Variants in SRR observed in about 807,000 individuals in gnomAD.
The protein encoded by SRR is D-serine ammonia-lyase.
A neutral mutation model predicts 32.7 loss-of-function variants in SRR; 19 were observed. The ratio of observed to expected loss-of-function variants is 0.58; its 90% CI spans 0.40 to 0.85. SRR has a LOEUF of 0.85. SRR is among the 40% of genes least tolerant of loss of function. SRR has a pLI of 0.00. For missense variants in SRR, 373 were observed against 404.7 expected, an observed-to-expected ratio of 0.92 and a Z score of 0.67; for synonymous variants, 142 against 140.9, an observed-to-expected ratio of 1.01 and a Z score of -0.06.
chr17:2,305,842 C>T (rs1213382448), intron 1 of SRR, among the ~76,000 whole-genome samples: 7 of 151,834 alleles, frequency 4.6e-5, no homozygotes, highest in Non-Finnish European at 8.8e-5. Flanking sequence ...GTATTACAGG[C>T]GCCCACCACC....
At position 2,318,908 on chromosome 17, in the gene SRR, A is replaced by G. The variant is rs1395301981; in HGVS notation, c.378A>G (p.Val126=). 6.2e-7 allele frequency: 1 copy of G among 1,613,440 alleles called. No homozygotes were observed. Among genetic ancestry groups the G allele is most frequent in the African/African-American group, 1.3e-5 (1 of 74,894 alleles). ...LAIQAYGASI[V]YCEPSDESRE... ...TACAAGCCTACGGAGCGTCAATTGT[A>G]TACTGTGAACCTAGTGATGAGGTAA... is the stretch of plus-strand genomic sequence containing the variant. Residue 126 remains valine (V), a synonymous_variant, in exon 4 of 8, where the codon GTA becomes GTG. Transcript: ENST00000344595.
rs1422705464 is a variant in SRR at position 2,317,929 on chromosome 17, G to A, written c.228G>A (p.Pro76=). The change falls in exon 3 of 8, where the codon CCG becomes CCA. Residue 76 remains proline, a synonymous_variant. Transcript: ENST00000344595. ...SLVPDALERK[P]KAVVTHSSGN... ...TTCCTGATGCTTTAGAAAGGAAGCC[G>A]AAAGCTGTTGTTACTCACAGCAGTG... is the stretch of plus-strand genomic sequence containing the variant. 2.0e-5 allele frequency: 33 copies of A among 1,613,792 alleles called. No individual in the cohort carries two copies. Among genetic ancestry groups the A allele is most frequent in the South Asian group, 3.3e-5 (3 of 91,076 alleles).
At position 2,321,681 on chromosome 17, in the gene SRR, G is replaced by C. The variant is rs1262261975; in HGVS notation, c.594+65G>C. The C allele has an allele frequency of 2.2e-5, 31 of 1,441,676 alleles. No individual in the cohort carries two copies. In the Admixed American group the frequency reaches 4.6e-4, roughly 21 times the overall value. The allele number at this position is 1,441,676 out of a possible 1,614,324, so 89.3% of individuals were successfully genotyped here. On this transcript the variant is annotated intron_variant, in intron 6 of 7. Transcript: ENST00000344595. ...ATTTACTTTACATCCTAAATGTTCTGTATACACGTGCTCAACATTCTGCAC... is the reference window on the plus strand; with the variant it reads ...ATTTACTTTACATCCTAAATGTTCTCTATACACGTGCTCAACATTCTGCAC...
chr17:2,317,206 GGAAAAA>G (rs1252988379), intron 2 of SRR, among the ~76,000 whole-genome samples: 46 of 111,852 alleles, frequency 4.1e-4, no homozygotes, highest in South Asian at 3.1e-3. Context: ...CCATCTCGGG[GGAAAAA>G]AAAAAAAAAA....
At chr17:2,321,762 G>T in intron 6 of SRR, 146 bp downstream of exon 6, 2 of 706,008 alleles carry the variant, frequency 2.8e-6, no homozygotes, top group Non-Finnish European at 4.9e-6. Context: ...GCCCATCTCT[G>T]CCTCACTACT....
chr17:2,320,832 G>C (rs1938763886), intron 4 of SRR, among the ~76,000 whole-genome samples: 1 of 152,230 alleles, frequency 6.6e-6, no homozygotes, highest in Non-Finnish European at 1.5e-5. Context: ...AGAGTGCTGG[G>C]ATTATAGGTG....
intron 1 of SRR, among the ~76,000 whole-genome samples, chr17:2,306,295 G>A (rs939403539): frequency 2.6e-5 from 4 of 151,442 alleles, no homozygotes; most frequent in Admixed American, 1.3e-4. Context: ...CAGCCTGGGC[G>A]ACAGAGTGAG....
intron 1 of SRR, among the ~76,000 whole-genome samples, chr17:2,304,683 A>C (rs529868071): frequency 6.6e-6 from 1 of 151,244 alleles, no homozygotes; most frequent in Non-Finnish European, 1.5e-5. Context: ...TGAACCCGGG[A>C]GGCGGAGACT....
rs878938668 is a variant in SRR at position 2,307,294 on chromosome 17, A to T, written c.-5+3277A>T. On this transcript the variant is annotated intron_variant, in intron 1 of 7. Transcript: ENST00000344595. ...GAATGGCCACAACTGTGAAATTAGG[A>T]AAGGCCTGTCAAAGCAAGAGATGGT... 1.1e-5 allele frequency: 12 copies of T among 1,119,788 alleles called. No individual in the cohort carries two copies. In the South Asian group the frequency reaches 1.4e-4, roughly 13 times the overall value. The allele number at this position is 1,119,788 out of a possible 1,614,324, so 69.4% of individuals were successfully genotyped here.
Position 2,323,969 on chromosome 17 carries a change from T to TTA in SRR, c.*96_*97insTA. The TTA allele has an allele frequency of 4.1e-6, 5 of 1,226,468 alleles. No homozygotes were observed. The highest frequency in any genetic ancestry group is 5.7e-6 in the Non-Finnish European group (5 of 875,490). The allele number at this position is 1,226,468 out of a possible 1,614,324, so 76.0% of individuals were successfully genotyped here. A position where few individuals can be genotyped will look rare whatever the true frequency, so the allele number is the denominator to read the frequency against. On this transcript the variant is annotated 3_prime_UTR_variant, in exon 8 of 8. Coordinates refer to ENST00000344595, the MANE Select transcript of SRR (RefSeq NM_021947.3). ...CAACTCTTAGTTATCAGATTCTTAA[T>TTA]GGAGAGTGGCTATTTCATTAAGATT...
intron 1 of SRR, chr17:2,307,697 T>C (rs1041949158): frequency 9.8e-6 from 10 of 1,016,078 alleles, no homozygotes; most frequent in East Asian, 4.8e-5. Flanking sequence ...GCAGTAGCTA[T>C]GGCAGTGGCG....
intron 2 of SRR, among the ~76,000 whole-genome samples, chr17:2,316,794 G>A (rs1023931212): frequency 1.3e-5 from 2 of 151,758 alleles, no homozygotes; most frequent in Non-Finnish European, 2.9e-5. Context: ...CTCACTGTAA[G>A]CTCCACCTCC....
At chr17:2,303,936 G>A (rs1372706632), upstream of SRR, 2 of 405,906 alleles carry the variant, frequency 4.9e-6, no homozygotes, top group Non-Finnish European at 8.8e-6. Context: ...GGGTGGGGCG[G>A]GCGGGCGCTG....
intron 1 of SRR, 109 bp from the exon 2 acceptor site, chr17:2,315,448 C>A: frequency 9.5e-7 from 1 of 1,051,810 alleles, no homozygotes; most frequent in Non-Finnish European, 1.3e-6. Flanking sequence ...AGAATTTCCA[C>A]ATGACACCAC....
At chr17:2,320,375 C>T (rs2075516960) in intron 4 of SRR, among the ~76,000 whole-genome samples, 1 of 150,252 alleles carries the variant, frequency 6.7e-6, no homozygotes, top group Admixed American at 6.7e-5. Flanking sequence ...TCTGCCTCAG[C>T]CTCCCGAGTA....
chr17:2,314,582 C>CAA (rs35790609), intron 1 of SRR, among the ~76,000 whole-genome samples: 8 of 102,972 alleles, frequency 7.8e-5, no homozygotes, highest in Non-Finnish European at 1.2e-4. Context: ...GACTCTGTCT[C>CAA]AAAAAAAAAA....
chr17:2,304,613 A>G (rs1188340492), intron 1 of SRR, among the ~76,000 whole-genome samples: 1 of 151,698 alleles, frequency 6.6e-6, no homozygotes, highest in African/African-American at 2.4e-5. Context: ...CAGGAGGCAT[A>G]TAAGTCCATT....
At chr17:2,307,180 G>A in intron 1 of SRR, 2 of 1,352,760 alleles carry the variant, frequency 1.5e-6, no homozygotes, top group Non-Finnish European at 2.1e-6. Flanking sequence ...GACTGACCAA[G>A]GCAGTGGCAA....
Position 2,324,538 on chromosome 17 carries a change from C to T in SRR, c.*665C>T. The T allele has an allele frequency of 1.2e-6, 2 of 1,614,222 alleles. No individual in the cohort carries two copies. The highest frequency in any genetic ancestry group is 1.7e-6 in the Non-Finnish European group (2 of 1,180,032). On this transcript the variant is annotated 3_prime_UTR_variant, in exon 8 of 8. Coordinates refer to ENST00000344595, the MANE Select transcript of SRR (RefSeq NM_021947.3). ...CCTTGATATGTCCTCTCCGGCCCCA[C>T]TTCGTTCTCAGTTCCACTGGTTTAA...
Sources: allele counts gnomAD v4.1 joint callset (sites outside exome capture counted in the v4.1 genomes callset), GRCh38; gene constraint gnomAD v4.1.1; transcripts MANE v1.5; gene names NCBI Gene and HGNC (gene_info 2026-07-23, HGNC 2026-07-21).